SGCD: variants seen among roughly 807,000 people sequenced by gnomAD.
SGCD encodes the protein sarcoglycan delta.
SGCD carries 18 observed loss-of-function variants against 36.6 expected under a neutral mutation model. The observed-to-expected ratio is 0.49, with a 90% CI of 0.34 to 0.73. SGCD has a LOEUF of 0.73. Ranked by LOEUF, SGCD falls within the 30% of genes least tolerant of loss-of-function variation. SGCD has a pLI of 0.01. For missense variants in SGCD, 387 were observed against 346.7 expected (o/e 1.12, Z -0.92); for synonymous variants, 133 against 130.6 (o/e 1.02, Z -0.12).
chr5:155,962,983 A>C (rs551853982), intron 1 of SGCD, among the ~76,000 whole-genome samples: 48 of 152,264 alleles, frequency 3.2e-4, no homozygotes, highest in Non-Finnish European at 5.4e-4. Flanking sequence ...ACAAAAGAAA[A>C]TCTGACTCCA....
chr5:156,214,014 A>C (rs779626614), intron 3 of SGCD, among the ~76,000 whole-genome samples: 2 of 152,006 alleles, frequency 1.3e-5, no homozygotes, highest in African/African-American at 2.4e-5. Context: ...AGTAATAAAT[A>C]GTTGAAAGCT....
At chr5:156,276,537 C>T (rs891921750) in intron 3 of SGCD, among the ~76,000 whole-genome samples, 11 of 152,040 alleles carry the variant, frequency 7.2e-5, no homozygotes, top group African/African-American at 1.7e-4. Flanking sequence ...TTCCCATGTA[C>T]GACATGTGCC....
At chr5:155,784,173 C>G in the SGCD span, among the ~76,000 whole-genome samples, 1 of 152,266 alleles carries the variant, frequency 6.6e-6, no homozygotes, top group South Asian at 2.1e-4. Flanking sequence ...GAGCCTGGCA[C>G]CCCTCTAGGC....
Position 156,052,915 on chromosome 5 carries a change from C to G in SGCD, c.-281-64963C>G, listed in dbSNP as rs180996537. On this transcript the variant is annotated intron_variant, in intron 1 of 9. Coordinates refer to the SGCD transcript ENST00000517913. ...GAGACTCAATTGGGGCAGAGTTAAT[C>G]ACTGCTGGGTTTCCTCTTATGCAAG... is the stretch of plus-strand genomic sequence containing the variant. Among the ~76,000 whole-genome samples, 21 of 146,166 alleles carry G rather than the reference C, an allele frequency of 1.4e-4. 1 individual carries two copies. The highest frequency in any genetic ancestry group is 4.1e-4 in the Admixed American group (6 of 14,674).
At chr5:155,777,984 G>A in the SGCD span, among the ~76,000 whole-genome samples, 1 of 152,082 alleles carries the variant, frequency 6.6e-6, no homozygotes, top group Non-Finnish European at 1.5e-5. Context: ...TATTGCTCTA[G>A]AGAGACATAT....
chr5:156,461,129 C>T (rs1754468468), intron 3 of SGCD, among the ~76,000 whole-genome samples: 1 of 152,086 alleles, frequency 6.6e-6, no homozygotes, highest in African/African-American at 2.4e-5. Context: ...TGAGTCTGTG[C>T]CTATGTCCAG....
chr5:156,728,232 C>G (rs949800987), intron 7 of SGCD, among the ~76,000 whole-genome samples: 1 of 152,116 alleles, frequency 6.6e-6, no homozygotes, highest in African/African-American at 2.4e-5. Context: ...TTCCTTTGCT[C>G]AGAAACTGGA....
At chr5:156,222,535 A>C (rs2127646495) in intron 3 of SGCD, among the ~76,000 whole-genome samples, 1 of 152,174 alleles carries the variant, frequency 6.6e-6, no homozygotes, top group East Asian at 1.9e-4. Context: ...GTGACAGAAA[A>C]TTTCAGGTAG....
At chr5:155,868,866 G>T (rs186063992), upstream of SGCD, among the ~76,000 whole-genome samples, 554 of 152,256 alleles carry the variant, frequency 3.6e-3, 1 homozygote, top group South Asian at 9.1e-3. Context: ...GATAGAGGAA[G>T]CAACTTCAGC....
chr5:155,820,006 C>T, the SGCD span, among the ~76,000 whole-genome samples: 1 of 152,014 alleles, frequency 6.6e-6, no homozygotes, highest in Non-Finnish European at 1.5e-5. Context: ...TAGAGGAATT[C>T]GGAGGTGGAT....
At chr5:156,395,055 T>G (rs1771775384) in intron 3 of SGCD, among the ~76,000 whole-genome samples, 1 of 152,206 alleles carries the variant, frequency 6.6e-6, no homozygotes, top group South Asian at 2.1e-4. Context: ...GCAGGGTATG[T>G]GCAAGGTAAG....
chr5:156,498,569 G>T (rs1756304716), intron 3 of SGCD, among the ~76,000 whole-genome samples: 1 of 152,132 alleles, frequency 6.6e-6, no homozygotes, highest in Non-Finnish European at 1.5e-5. Flanking sequence ...AATTTTTGAG[G>T]TTTGTCCATG....
intron 4 of SGCD, 49 bp from the exon 5 acceptor site, chr5:156,589,182 G>A: frequency 7.4e-7 from 1 of 1,353,884 alleles, no homozygotes; most frequent in Non-Finnish European, 1.0e-6. Flanking sequence ...AGTTCTTTTT[G>A]TTTAGAAATC....
intron 1 of SGCD, among the ~76,000 whole-genome samples, chr5:156,038,797 C>T (rs1759561232): frequency 6.6e-6 from 1 of 152,176 alleles, no homozygotes; most frequent in Non-Finnish European, 1.5e-5. Context: ...GCAGAAGAAC[C>T]TACAAAGGGC....
the SGCD span, among the ~76,000 whole-genome samples, chr5:155,776,959 G>T: frequency 1.3e-5 from 2 of 152,060 alleles, no homozygotes; most frequent in African/African-American, 4.8e-5. Context: ...AACATCAAAG[G>T]TAGCAACCTT....
At chr5:156,456,500 A>G (rs1378147557) in intron 3 of SGCD, among the ~76,000 whole-genome samples, 3 of 152,210 alleles carry the variant, frequency 2.0e-5, no homozygotes, top group African/African-American at 4.8e-5. Flanking sequence ...TTGGGAGGAA[A>G]GTAAAACTTG....
intron 1 of SGCD, among the ~76,000 whole-genome samples, chr5:156,044,175 T>A (rs1184057525): frequency 6.6e-6 from 1 of 152,094 alleles, no homozygotes; most frequent in Non-Finnish European, 1.5e-5. Flanking sequence ...GAGGTAAAAT[T>A]CATATAGTTG....
At chr5:155,911,860 C>T (rs1191385780) in intron 1 of SGCD, among the ~76,000 whole-genome samples, 2 of 152,084 alleles carry the variant, frequency 1.3e-5, no homozygotes, top group Non-Finnish European at 1.5e-5. Flanking sequence ...GTCCATTGTA[C>T]ACTGCATCTC....
chr5:155,951,909 A>G (rs1757555693), intron 1 of SGCD, among the ~76,000 whole-genome samples: 3 of 152,178 alleles, frequency 2.0e-5, no homozygotes, highest in African/African-American at 7.2e-5. Context: ...TAATGAACCC[A>G]TATGTCCTCT....
Sources: allele counts gnomAD v4.1 joint callset (sites outside exome capture counted in the v4.1 genomes callset), GRCh38; gene constraint gnomAD v4.1.1; transcripts MANE v1.5; gene names NCBI Gene and HGNC (gene_info 2026-07-23, HGNC 2026-07-21).